DAZL: variants seen among roughly 807,000 people sequenced by gnomAD.
The protein encoded by DAZL is deleted in azoospermia-like.
In DAZL, 4 loss-of-function variants were observed where a neutral mutation model predicts 45.0. The observed-to-expected ratio is 0.09, with a 90% CI of 0.04 to 0.20. The LOEUF (loss-of-function observed/expected upper bound fraction) is 0.20. DAZL is among the 10% of genes least tolerant of loss of function. The pLI is 1.00. For missense variants in DAZL, 326 were observed against 351.3 expected (o/e 0.93, Z 0.58); for synonymous variants, 122 against 112.4 (o/e 1.09, Z -0.54).
At chr3:16,603,189 G>A (rs965229326) in intron 1 of DAZL, among the ~76,000 whole-genome samples, 1 of 152,162 alleles carries the variant, frequency 6.6e-6, no homozygotes, top group African/African-American at 2.4e-5. Context: ...ATCATAATTT[G>A]ATAGGCGAGG....
chr3:16,598,625 A>C (rs766932901), intron 1 of DAZL, 27 bp from the exon 2 acceptor site: 1 of 1,583,910 alleles, frequency 6.3e-7, no homozygotes, highest in Admixed American at 1.7e-5. Context: ...AGACATCATA[A>C]TTAGATACAC....
chr3:16,603,465 G>A (rs1391143213), intron 1 of DAZL, among the ~76,000 whole-genome samples: 5 of 151,764 alleles, frequency 3.3e-5, no homozygotes, highest in African/African-American at 1.2e-4. Flanking sequence ...TCCTGCCTCA[G>A]CCTCCCGAGT....
intron 1 of DAZL, chr3:16,604,439 C>T: frequency 1.3e-6 from 2 of 1,531,458 alleles, no homozygotes; most frequent in Non-Finnish European, 1.7e-6. Flanking sequence ...CTGAAACCAA[C>T]CTCGTGCGGC....
rs374894961 is a variant in DAZL at position 16,605,251 on chromosome 3, G to T, written c.-46C>A. On this transcript the variant is annotated 5_prime_UTR_variant, in exon 1 of 11. Transcript: ENST00000399444. The stretch of plus-strand genomic sequence containing the variant: ...CCCGACCGGCTCCAGGAGGAGCAGA[G>T]GCTGTGCTTGGCGCACCACTTCTGG... 1.3e-5 allele frequency: 21 copies of T among 1,613,348 alleles called. No homozygotes were observed. The highest frequency in any genetic ancestry group is 4.0e-5 in the African/African-American group (3 of 74,940).
At chr3:16,605,131 C>T in intron 1 of DAZL, 72 bp downstream of exon 1, 1 of 1,598,154 alleles carries the variant, frequency 6.3e-7, no homozygotes, top group Non-Finnish European at 8.6e-7. Flanking sequence ...CTTTCCGACC[C>T]TGCAGAGCCG....
chr3:16,597,444 C>T (rs780774408), intron 4 of DAZL, 46 bp downstream of exon 4: 1 of 1,176,808 alleles, frequency 8.5e-7, no homozygotes, highest in Non-Finnish European at 1.3e-6. Flanking sequence ...TGACACTAAA[C>T]ATTGTATCAA....
At position 16,592,116 on chromosome 3, in the gene DAZL, T is replaced by C. The variant is rs1229462421; in HGVS notation, c.768A>G (p.Val256=). 3 of 1,613,732 alleles carry C rather than the reference T, an allele frequency of 1.9e-6. No individual in the cohort carries two copies. The highest frequency in any genetic ancestry group is 2.2e-5 in the East Asian group (1 of 44,850). The part of the protein sequence containing the change: ...KSVDRSIQTV[V]SCLFNPENRL... ...TGTTCTCTGGATTAAACAGACAAGATACCACCGTTTGTATGCTTCGGTCCA... is the reference window on the plus strand; with the variant it reads ...TGTTCTCTGGATTAAACAGACAAGACACCACCGTTTGTATGCTTCGGTCCA... Residue 256 remains valine, a synonymous_variant, in exon 10 of 11, where the codon GTA becomes GTG. Transcript: ENST00000399444.
At chr3:16,590,160 G>A (rs1331845353) in intron 10 of DAZL, among the ~76,000 whole-genome samples, 4 of 141,518 alleles carry the variant, frequency 2.8e-5, no homozygotes, top group Non-Finnish European at 6.5e-5. Flanking sequence ...CAGAACTTTG[G>A]GCAAAGTAAG....
chr3:16,605,001 C>G (rs964495414), intron 1 of DAZL, among the ~76,000 whole-genome samples: 1 of 152,248 alleles, frequency 6.6e-6, no homozygotes, highest in Non-Finnish European at 1.5e-5. Flanking sequence ...CTTGGCGTCC[C>G]GCGCCTGCCT....
chr3:16,594,446 G>T, intron 8 of DAZL, 87 bp downstream of exon 8: 1 of 990,376 alleles, frequency 1.0e-6, no homozygotes, highest in Non-Finnish European at 1.5e-6. Flanking sequence ...AGGCATATAT[G>T]ACATGGAAAA....
chr3:16,604,770 G>T, intron 1 of DAZL: 1 of 1,357,258 alleles, frequency 7.4e-7, no homozygotes, highest in Non-Finnish European at 9.4e-7. Context: ...TGAGGCTGGC[G>T]GGGCGGAGGC....
In DAZL at chr3:16,594,587, A is replaced by T. The variant is rs1026012809; in HGVS notation, c.571-4T>A. 5 of 168,374 alleles carry T rather than the reference A, an allele frequency of 3.0e-5. No homozygotes were observed. Among genetic ancestry groups the T allele is most frequent in the Admixed American group, 8.8e-5 (1 of 11,312 alleles). 10.4% of individuals were successfully genotyped at this position (168,374 alleles called of 1,614,324 possible). The stretch of plus-strand genomic sequence containing the variant: ...CAACAGGCCACTGTGGTGGCATCTT[A>T]AAAAAAAAAAAAAGGAAACCAAAAT... On this transcript the variant is annotated splice_region_variant and splice_polypyrimidine_tract_variant and intron_variant, in intron 7 of 10. Transcript: ENST00000399444.
At chr3:16,595,162 T>TA (rs1694579041) in intron 7 of DAZL, 152 bp downstream of exon 7, 2 of 503,186 alleles carry the variant, frequency 4.0e-6, no homozygotes, top group South Asian at 8.2e-5. Context: ...TTCTAAATAA[T>TA]AAAGAGGTCT....
intron 1 of DAZL, chr3:16,604,940 A>T: frequency 1.5e-6 from 1 of 683,552 alleles, no homozygotes; most frequent in Non-Finnish European, 2.5e-6. Flanking sequence ...TGGCCCTTGC[A>T]CGTGGCCGGC....
In DAZL at chr3:16,588,503, G is replaced by A. The variant is rs897969672; in HGVS notation, c.*157C>T. The A allele has an allele frequency of 1.6e-6, 1 of 642,892 alleles. No individual in the cohort carries two copies. The highest frequency in any genetic ancestry group is 2.9e-6 in the Non-Finnish European group (1 of 346,774). 39.8% of individuals were successfully genotyped at this position (642,892 alleles called of 1,614,324 possible). A position where few individuals can be genotyped will look rare whatever the true frequency, so the allele number is the denominator to read the frequency against. ...AGTTTCTAAATAAACATCTAATGAAGAACAGTTTAAGATAAAACTAGAGAG... is the reference window on the plus strand; with the variant it reads ...AGTTTCTAAATAAACATCTAATGAAAAACAGTTTAAGATAAAACTAGAGAG... On this transcript the variant is annotated 3_prime_UTR_variant, in exon 11 of 11. Transcript: ENST00000399444.
At chr3:16,592,556 G>GA (rs1694537438) in intron 9 of DAZL, among the ~76,000 whole-genome samples, 1 of 142,960 alleles carries the variant, frequency 7.0e-6, no homozygotes, top group South Asian at 2.3e-4. Flanking sequence ...GCAACACAGC[G>GA]AGACTCTGTC....
chr3:16,596,189 GA>G, intron 6 of DAZL, among the ~76,000 whole-genome samples: 1 of 151,944 alleles, frequency 6.6e-6, no homozygotes, highest in Non-Finnish European at 1.5e-5. Context: ...AATGAACTAA[GA>G]AGAAAATGTT....
chr3:16,594,261 T>C (rs903036875), intron 8 of DAZL, among the ~76,000 whole-genome samples: 3 of 152,110 alleles, frequency 2.0e-5, no homozygotes, highest in Non-Finnish European at 4.4e-5. Flanking sequence ...CTTTCCTGAA[T>C]TATATAGTCT....
chr3:16,605,419 G>C lies in DAZL; in HGVS notation c.-214C>G, dbSNP rs370939388. The C allele has an allele frequency of 1.6e-6, 1 of 643,178 alleles. No homozygotes were observed. The highest frequency in any genetic ancestry group is 1.8e-5 in the African/African-American group (1 of 55,050). The allele number at this position is 643,178 out of a possible 1,614,324, so 39.8% of individuals were successfully genotyped here. A position where few individuals can be genotyped will look rare whatever the true frequency, so the allele number is the denominator to read the frequency against. Reference sequence around the variant, plus strand: ...GACCGTCAGGCTGAGGAGCGCAGGCGGACTGAGGCGTGGTCCGCGGGGCTC... The same window carrying C: ...GACCGTCAGGCTGAGGAGCGCAGGCCGACTGAGGCGTGGTCCGCGGGGCTC... On this transcript the variant is annotated 5_prime_UTR_variant, in exon 1 of 11. Transcript: ENST00000399444.
Sources: allele counts gnomAD v4.1 joint callset (sites outside exome capture counted in the v4.1 genomes callset), GRCh38; gene constraint gnomAD v4.1.1; transcripts MANE v1.5; gene names NCBI Gene and HGNC (gene_info 2026-07-23, HGNC 2026-07-21).